The following MAST4 variants were observed in gnomAD, a reference collection of about 807,000 sequenced individuals.
The protein encoded by MAST4 is microtubule-associated serine/threonine-protein kinase 4.
MAST4 carries 89 observed loss-of-function variants against 162.7 expected under a neutral mutation model. The ratio of observed to expected loss-of-function variants is 0.55; its 90% CI spans 0.46 to 0.65. The LOEUF is 0.65. Ranked by LOEUF, MAST4 falls within the 30% of genes least tolerant of loss-of-function variation. The pLI, the probability that MAST4 is intolerant of heterozygous loss-of-function variation, is 0.00. For synonymous variants in MAST4, 1,479 were observed against 1,361.1 expected (o/e 1.09, Z -1.91); for missense variants, 3,153 against 3,374.0 (o/e 0.93, Z 1.62).
At chr5:66,883,420 CTGTTTTTTTTTTTT>C (rs1312111787) in intron 3 of MAST4, among the ~76,000 whole-genome samples, 2 of 125,514 alleles carry the variant, frequency 1.6e-5, no homozygotes, top group African/African-American at 2.9e-5. Flanking sequence ...TGTTCTGTCA[CTGTTTTTTTTTTTT>C]TTTTTTTTTT....
intron 3 of MAST4, among the ~76,000 whole-genome samples, chr5:66,830,708 T>C (rs1276386350): frequency 2.0e-5 from 3 of 152,200 alleles, no homozygotes; most frequent in African/African-American, 7.2e-5. Context: ...AGAAAGACAT[T>C]ACATAGAGTA....
At chr5:66,990,676 A>G (rs764575725) in intron 4 of MAST4, among the ~76,000 whole-genome samples, 41 of 152,124 alleles carry the variant, frequency 2.7e-4, no homozygotes, top group African/African-American at 9.7e-4. Flanking sequence ...TTTATATTCA[A>G]ATTTAAAGAG....
chr5:66,754,574 A>G (rs562266567), intron 1 of MAST4, among the ~76,000 whole-genome samples: 14 of 152,294 alleles, frequency 9.2e-5, no homozygotes, highest in Admixed American at 2.6e-4. Flanking sequence ...TAAAGTACAT[A>G]TCAGAGATTT....
intron 6 of MAST4, chr5:67,094,163 C>G: frequency 6.7e-7 from 1 of 1,498,418 alleles, no homozygotes; most frequent in Non-Finnish European, 9.1e-7. Flanking sequence ...ACAGAAATGA[C>G]AGGTAAATTT....
rs7728300 is a variant in MAST4, at chr5:66,802,692, T to C, written c.642+13898T>C. Among the ~76,000 whole-genome samples the C allele has an allele frequency of 5.8e-3, 877 of 152,250 alleles. 6 individuals carry two copies. The highest frequency in any genetic ancestry group is 0.019 in the African/African-American group (800 of 41,546). The stretch of plus-strand genomic sequence containing the variant: ...GGAGTGTGGAGGATTGTTTTATTTT[T>C]CCAGTTGTGATCCTCATAAATCACC... On this transcript the variant is annotated intron_variant, in intron 3 of 28. Coordinates refer to ENST00000403625, the MANE Select transcript of MAST4 (RefSeq NM_001164664.2).
At chr5:67,080,023 A>C (rs536420551) in intron 5 of MAST4, among the ~76,000 whole-genome samples, 1 of 152,200 alleles carries the variant, frequency 6.6e-6, no homozygotes, top group Non-Finnish European at 1.5e-5. Context: ...TAGAGTCGTC[A>C]CACCTGACCT....
intron 3 of MAST4, among the ~76,000 whole-genome samples, chr5:66,845,832 T>C (rs540748333): frequency 2.0e-5 from 3 of 152,284 alleles, no homozygotes; most frequent in South Asian, 4.1e-4. Flanking sequence ...GTGGACCAAA[T>C]GAATAAATAA....
intron 1 of MAST4, among the ~76,000 whole-genome samples, chr5:66,633,334 A>G (rs1189761509): frequency 1.3e-5 from 2 of 152,200 alleles, no homozygotes; most frequent in Non-Finnish European, 2.9e-5. Flanking sequence ...TATGAGCTGT[A>G]AAACATTTGA....
Position 66,654,412 on chromosome 5 carries a change from TC to T in MAST4, c.363+57395del, listed in dbSNP as rs555602515. ...ATCTCTCCAGTAGCTTCATAAAAGG[TC>T]TGGGAGCCCAGAGGTAGAGATGGAG... On this transcript the variant is annotated intron_variant, in intron 1 of 28. Coordinates refer to ENST00000403625, the MANE Select transcript of MAST4 (RefSeq NM_001164664.2). 4.4e-3 allele frequency among the ~76,000 whole-genome samples: 674 copies of T among 152,284 alleles called. 6 individuals carry two copies. The highest frequency in any genetic ancestry group is 0.016 in the African/African-American group (652 of 41,554).
At position 66,999,691 on chromosome 5, in the gene MAST4, G is replaced by T. The variant is rs28646; in HGVS notation, c.675-54713G>T. ...TCTTATTTTGTTTCCTTTGTTTTGG[G>T]TTTTTTTTTTCCTTTTCCTTTTTTG... On this transcript the variant is annotated intron_variant, in intron 4 of 28. Coordinates refer to ENST00000403625, the MANE Select transcript of MAST4 (RefSeq NM_001164664.2). Among the ~76,000 whole-genome samples, 46 of 151,520 alleles carry T rather than the reference G, an allele frequency of 3.0e-4. No homozygotes were observed. In the East Asian group the frequency reaches 6.4e-3, roughly 21 times the overall value.
At chr5:66,806,970 T>C (rs939721421) in intron 3 of MAST4, among the ~76,000 whole-genome samples, 4 of 152,188 alleles carry the variant, frequency 2.6e-5, no homozygotes, top group Non-Finnish European at 5.9e-5. Flanking sequence ...TGGTAGCAGG[T>C]ACTAACCCTT....
intron 14 of MAST4, among the ~76,000 whole-genome samples, chr5:67,127,094 AC>A (rs1768339254): frequency 6.6e-6 from 1 of 152,122 alleles, no homozygotes. Context: ...ATGTCCTGAG[AC>A]TTTGCTGAAG....
At chr5:66,696,247 C>T (rs1421560304) in intron 1 of MAST4, among the ~76,000 whole-genome samples, 3 of 151,974 alleles carry the variant, frequency 2.0e-5, no homozygotes, top group Non-Finnish European at 4.4e-5. Flanking sequence ...ATAGCTAAAG[C>T]ATGCAGGGCT....
At chr5:66,851,253 A>G (rs1759292795) in intron 3 of MAST4, among the ~76,000 whole-genome samples, 1 of 152,114 alleles carries the variant, frequency 6.6e-6, no homozygotes, top group African/African-American at 2.4e-5. Context: ...TACACTCTCT[A>G]TTTTCTGTCT....
chr5:66,843,589 G>C (rs1399375209), intron 3 of MAST4, among the ~76,000 whole-genome samples: 2 of 152,152 alleles, frequency 1.3e-5, no homozygotes, highest in African/African-American at 4.8e-5. Flanking sequence ...CCGGCATTAA[G>C]TTTGGAAGAA....
At position 66,760,077 on chromosome 5, in the gene MAST4, C is replaced by CAATTTATTTATTTATTTATT. The variant is rs58766667; in HGVS notation, c.517+215_517+216insAATTTATTTATTTATTTATT. On this transcript the variant is annotated intron_variant, in intron 2 of 28. Transcript: ENST00000403625. ...AATTTACATGCAGTGACAATATCCCCTATTTATTTATTTATTTATTTATTT... is the reference window on the plus strand; with the variant it reads ...AATTTACATGCAGTGACAATATCCCCAATTTATTTATTTATTTATTTATTTATTTATTTATTTATTTATTT... Among the ~76,000 whole-genome samples, 55 of 147,264 alleles carry CAATTTATTTATTTATTTATT rather than the reference C, an allele frequency of 3.7e-4. 2 individuals carry two copies. Among genetic ancestry groups the CAATTTATTTATTTATTTATT allele is most frequent in the African/African-American group, 1.1e-3 (44 of 39,654 alleles).
intron 4 of MAST4, among the ~76,000 whole-genome samples, chr5:66,977,396 C>T (rs763138706): frequency 2.6e-5 from 4 of 152,088 alleles, no homozygotes; most frequent in South Asian, 2.1e-4. Flanking sequence ...CCACCACGCC[C>T]GGCTATCAGA....
chr5:66,774,486 T>G (rs1376623171), intron 2 of MAST4, among the ~76,000 whole-genome samples: 1 of 152,220 alleles, frequency 6.6e-6, no homozygotes, highest in African/African-American at 2.4e-5. Context: ...TTTTTCTACA[T>G]TCAGATTCCA....
At chr5:66,821,662 C>T (rs1370275171) in intron 3 of MAST4, among the ~76,000 whole-genome samples, 1 of 152,164 alleles carries the variant, frequency 6.6e-6, no homozygotes, top group Non-Finnish European at 1.5e-5. Context: ...TTAACCTGTT[C>T]TCAGAGTGAA....
Sources: allele counts gnomAD v4.1 joint callset (sites outside exome capture counted in the v4.1 genomes callset), GRCh38; gene constraint gnomAD v4.1.1; transcripts MANE v1.5; gene names NCBI Gene and HGNC (gene_info 2026-07-23, HGNC 2026-07-21).